Variants in CCDC171 observed in about 807,000 individuals in gnomAD.
CCDC171 encodes coiled-coil domain-containing protein 171.
Under a neutral mutation model 168.2 loss-of-function variants are expected in CCDC171, and 177 were observed. The ratio of observed to expected loss-of-function variants is 1.05; its 90% CI spans 0.93 to 1.19. The LOEUF (loss-of-function observed/expected upper bound fraction) is 1.19, where lower values mean the gene tolerates loss of function less well. Ranked by LOEUF, CCDC171 falls within the 50% of genes most tolerant of loss-of-function variation. The probability of loss-of-function intolerance (pLI) is 0.00; values close to 1 mark genes in which losing one functional copy is unlikely to be tolerated. For missense variants in CCDC171, 1,991 were observed against 1,539.0 expected, an observed-to-expected ratio of 1.29 and a Z score of -4.91; for synonymous variants, 687 against 540.8, an observed-to-expected ratio of 1.27 and a Z score of -3.75.
At chr9:15,909,062 T>A (rs1272389948) in intron 24 of CCDC171, among the ~76,000 whole-genome samples, 1 of 152,298 alleles carries the variant, frequency 6.6e-6, no homozygotes, top group East Asian at 1.9e-4. Flanking sequence ...ACGACTCCAA[T>A]TGAGTATATC....
intron 25 of CCDC171, among the ~76,000 whole-genome samples, chr9:15,950,704 C>T (rs200679484): frequency 3.3e-5 from 5 of 151,886 alleles, no homozygotes; most frequent in African/African-American, 1.2e-4. Context: ...ACTAGGAAGA[C>T]ACTGCATGAA....
intron 23 of CCDC171, among the ~76,000 whole-genome samples, chr9:15,859,061 C>G (rs2061449963): frequency 6.6e-6 from 1 of 151,988 alleles, no homozygotes; most frequent in Non-Finnish European, 1.5e-5. Context: ...TACTTTTCTT[C>G]TATTCCTAGT....
rs548272685 is a variant in CCDC171 at position 15,807,786 on chromosome 9, T to C, written c.3267+23092T>C. On this transcript the variant is annotated intron_variant, in intron 21 of 25. Coordinates refer to ENST00000380701, the MANE Select transcript of CCDC171 (RefSeq NM_173550.4). ...AGAACTCTGTACTATACCTTTTAGC[T>C]ATCTCAGGCACCTAGGTATCTGATC... 1.9e-4 allele frequency among the ~76,000 whole-genome samples: 29 copies of C among 151,758 alleles called. No individual in the cohort carries two copies. The South Asian group carries it at 5.9e-3, about 31-fold the overall frequency.
chr9:16,050,196 T>C (rs1409349204), intron 1 of CCDC171, among the ~76,000 whole-genome samples: 1 of 152,248 alleles, frequency 6.6e-6, no homozygotes, highest in African/African-American at 2.4e-5. Context: ...TTTCTTACTG[T>C]ATTTCTTACA....
chr9:15,852,665 G>A (rs74374749), intron 23 of CCDC171, among the ~76,000 whole-genome samples: 27 of 151,724 alleles, frequency 1.8e-4, no homozygotes, highest in African/African-American at 6.3e-4. Flanking sequence ...ATGCAAAGTC[G>A]TGAAGCTTTC....
chr9:16,033,126 G>A (rs887357293), intron 6 of CCDC171, among the ~76,000 whole-genome samples: 5 of 152,188 alleles, frequency 3.3e-5, no homozygotes, highest in Non-Finnish European at 5.9e-5. Context: ...ACTGTACAGG[G>A]CTAGGATAAA....
At chr9:15,784,770 C>A in intron 21 of CCDC171, 76 bp downstream of exon 21, 1 of 1,087,984 alleles carries the variant, frequency 9.2e-7, no homozygotes, top group Non-Finnish European at 1.3e-6. Context: ...TATGATATCT[C>A]CTGAATAGGA....
intron 21 of CCDC171, among the ~76,000 whole-genome samples, chr9:15,843,841 C>T (rs1273814222): frequency 2.0e-5 from 3 of 152,062 alleles, no homozygotes; most frequent in Non-Finnish European, 4.4e-5. Flanking sequence ...TTCTCATGAG[C>T]AGAAGGGCTT....
chr9:15,777,103 G>A (rs1454255227), intron 18 of CCDC171, among the ~76,000 whole-genome samples: 1 of 152,198 alleles, frequency 6.6e-6, no homozygotes, highest in Admixed American at 6.5e-5. Flanking sequence ...CAGTAAGCAG[G>A]CCATGTTGGA....
rs111287672 is a variant in CCDC171 at position 15,840,777 on chromosome 9, C to CT, written c.3268-5916dup. On this transcript the variant is annotated intron_variant, in intron 21 of 25. Transcript: ENST00000380701. The stretch of plus-strand genomic sequence containing the variant: ...TTTTGTGGTTCTCTTTACTATCCTC[C>CT]TTTTTTTTTGTCATTTAAAATGTGT... Among the ~76,000 whole-genome samples the CT allele has an allele frequency of 5.0e-3, 758 of 151,078 alleles. 4 individuals are homozygous for CT. The highest frequency in any genetic ancestry group is 8.0e-3 in the Non-Finnish European group (541 of 67,628).
intron 21 of CCDC171, among the ~76,000 whole-genome samples, chr9:15,813,670 T>C (rs537529362): frequency 6.6e-6 from 1 of 152,176 alleles, no homozygotes; most frequent in South Asian, 2.1e-4. Context: ...TATTGTGTCT[T>C]TTTGTTCCAG....
intron 21 of CCDC171, among the ~76,000 whole-genome samples, chr9:15,815,852 C>A: frequency 8.5e-6 from 1 of 117,042 alleles, no homozygotes. Context: ...TTTTTATCTT[C>A]CTACTGACTT....
In CCDC171 at chr9:15,973,286, T is replaced by G. The variant is rs921815770; in HGVS notation, c.*1450T>G. The G allele has an allele frequency of 6.6e-6, 1 of 152,190 alleles. No individual in the cohort carries two copies. Among genetic ancestry groups the G allele is most frequent in the Non-Finnish European group, 1.5e-5 (1 of 68,034 alleles). The allele number at this position is 152,190 out of a possible 1,614,324, so 9.4% of individuals were successfully genotyped here. A position where few individuals can be genotyped will look rare whatever the true frequency, so the allele number is the denominator to read the frequency against. On this transcript the variant is annotated 3_prime_UTR_variant, in exon 26 of 26. Coordinates refer to ENST00000380701, the MANE Select transcript of CCDC171 (RefSeq NM_173550.4). Reference sequence around the variant, plus strand: ...ATGGAATCTTTCATTATGGATACATTAGAGTATAACAGTATGTATTACAGA... The same window carrying G: ...ATGGAATCTTTCATTATGGATACATGAGAGTATAACAGTATGTATTACAGA...
intron 21 of CCDC171, among the ~76,000 whole-genome samples, chr9:15,818,711 G>A (rs1326161534): frequency 1.7e-5 from 2 of 118,034 alleles, no homozygotes; most frequent in South Asian, 2.7e-4. Context: ...CCACATCTAC[G>A]TCTGATTGGT....
rs140241697 is a variant in CCDC171, at chr9:15,752,185, G to A, written c.2671+6554G>A. 8.3e-3 allele frequency among the ~76,000 whole-genome samples: 1,263 copies of A among 152,156 alleles called. 9 individuals carry two copies. Among genetic ancestry groups the A allele is most frequent in the African/African-American group, 0.027 (1,107 of 41,508 alleles). On this transcript the variant is annotated intron_variant, in intron 18 of 25. Transcript: ENST00000380701. ...TCATCACTGGTCATCAGAGAAATGC[G>A]AATCAAAACCACAACGAGTTACCAT...
chr9:15,650,748 TTATA>T (rs973652076), intron 7 of CCDC171, among the ~76,000 whole-genome samples: 2 of 152,208 alleles, frequency 1.3e-5, no homozygotes, highest in African/African-American at 4.8e-5. Context: ...TACATAAAAT[TTATA>T]TATATTTATG....
chr9:15,907,119 C>G (rs1203571812), intron 24 of CCDC171, among the ~76,000 whole-genome samples: 1 of 152,186 alleles, frequency 6.6e-6, no homozygotes, highest in African/African-American at 2.4e-5. Context: ...CCCCATCAAG[C>G]TACCAATGAC....
At chr9:15,956,147 C>T (rs546762017) in intron 25 of CCDC171, among the ~76,000 whole-genome samples, 6 of 152,200 alleles carry the variant, frequency 3.9e-5, no homozygotes, top group East Asian at 1.9e-4. Flanking sequence ...AGATTTTCTG[C>T]GATTTGAAGG....
rs144626710 is a variant in CCDC171 at position 15,790,438 on chromosome 9, C to G, written c.3267+5744C>G. Among the ~76,000 whole-genome samples the G allele has an allele frequency of 4.9e-4, 75 of 152,018 alleles. 1 individual carries two copies. Among genetic ancestry groups the G allele is most frequent in the Admixed American group, 1.8e-3 (28 of 15,252 alleles). On this transcript the variant is annotated intron_variant, in intron 21 of 25. Transcript: ENST00000380701. ...CACACCCTTTGCCCACTTTTTGATG[C>G]GGTTGTTTGTTTTTTTCTTGTAAAT...
Sources: gnomAD v4.1 joint callset for allele counts (sites outside exome capture counted in the v4.1 genomes callset) on GRCh38, gnomAD v4.1.1 for gene constraint, MANE v1.5 for transcripts, NCBI Gene and HGNC (gene_info 2026-07-23, HGNC 2026-07-21) for gene names.